The following MTMR4 variants were observed in gnomAD, a reference collection of about 807,000 sequenced individuals.
The protein encoded by MTMR4 is phosphatidylinositol-3,5-bisphosphate 3-phosphatase MTMR4.
A neutral mutation model predicts 125.5 loss-of-function variants in MTMR4; 30 were observed. The ratio of observed to expected loss-of-function variants is 0.24; its 90% CI spans 0.18 to 0.32. The LOEUF (loss-of-function observed/expected upper bound fraction) is 0.32, where lower values mean the gene tolerates loss of function less well. Ranked by LOEUF, MTMR4 falls within the 10% of genes least tolerant of loss-of-function variation. The pLI is 1.00. For missense variants in MTMR4, 1,039 were observed against 1,511.5 expected (o/e 0.69, Z 5.18); for synonymous variants, 498 against 564.5 (o/e 0.88, Z 1.67).
intron 1 of MTMR4, chr17:58,513,922 T>C (rs1976008189): frequency 6.6e-6 from 1 of 152,136 alleles, no homozygotes; most frequent in Non-Finnish European, 1.5e-5. Flanking sequence ...AGGGATGGAA[T>C]GGTGGAAGAG....
chr17:58,503,410 G>T (rs1031630428), intron 14 of MTMR4, among the ~76,000 whole-genome samples: 1 of 152,202 alleles, frequency 6.6e-6, no homozygotes, highest in African/African-American at 2.4e-5. Flanking sequence ...CACTTTGGGA[G>T]GCCGAGGCAG....
chr17:58,503,273 AAC>A (rs758816980), intron 14 of MTMR4, among the ~76,000 whole-genome samples: 30 of 152,194 alleles, frequency 2.0e-4, no homozygotes, highest in Non-Finnish European at 3.8e-4. Flanking sequence ...GGACCTTGAA[AAC>A]ACACAGAGTG....
intron 10 of MTMR4, 30 bp from the exon 11 acceptor site, chr17:58,505,004 C>A (rs1483160249): frequency 6.4e-7 from 1 of 1,570,796 alleles, no homozygotes; most frequent in Admixed American, 1.8e-5. Context: ...AAGTCGGTCA[C>A]AAAGGGTGCT....
rs1316622267 is a variant in MTMR4 at position 58,500,847 on chromosome 17, A to G, written c.1853+2897T>C. 4.0e-5 allele frequency among the ~76,000 whole-genome samples: 6 copies of G among 151,198 alleles called. No individual in the cohort carries two copies. The East Asian group carries it at 7.8e-4, about 20-fold the overall frequency. On this transcript the variant is annotated intron_variant, in intron 14 of 17. Transcript: ENST00000682306. ...CTTGAAAGTAGAACCAATATCTTCTATTTCTTTGCTGTAGCCCACAAAACC... is the reference window on the plus strand; with the variant it reads ...CTTGAAAGTAGAACCAATATCTTCTGTTTCTTTGCTGTAGCCCACAAAACC...
At position 58,508,050 on chromosome 17, in the gene MTMR4, C is replaced by T. The variant is rs1975823907; in HGVS notation, c.707+111G>A. 2 of 723,296 alleles carry T rather than the reference C, an allele frequency of 2.8e-6. No homozygotes were observed. The highest frequency in any genetic ancestry group is 1.8e-5 in the African/African-American group (1 of 56,818). The allele number at this position is 723,296 out of a possible 1,614,324, so 44.8% of individuals were successfully genotyped here. A position where few individuals can be genotyped will look rare whatever the true frequency, so the allele number is the denominator to read the frequency against. On this transcript the variant is annotated intron_variant, in intron 7 of 17. Transcript: ENST00000682306. The surrounding 1 kb of genome is among the most constrained non-coding windows in gnomAD (Gnocchi z 4.8). ...TTTGTTTTAAAGTTATTTCATACTT[C>T]CCCATAGAGTGTCAATTCTCAGTCA...
upstream of MTMR4, among the ~76,000 whole-genome samples, chr17:58,516,299 A>G (rs1347391788): frequency 2.6e-5 from 4 of 152,236 alleles, no homozygotes; most frequent in Non-Finnish European, 5.9e-5. Context: ...GGCTGTTATG[A>G]AGGGTTAATA....
chr17:58,512,559 T>C lies in MTMR4; in HGVS notation c.136-53A>G, dbSNP rs929669497. 6.5e-6 allele frequency: 9 copies of C among 1,387,952 alleles called. No homozygotes were observed. The highest frequency in any genetic ancestry group is 1.4e-5 in the African/African-American group (1 of 70,318). 86.0% of individuals were successfully genotyped at this position (1,387,952 alleles called of 1,614,324 possible). A position where few individuals can be genotyped will look rare whatever the true frequency, so the allele number is the denominator to read the frequency against. On this transcript the variant is annotated intron_variant, in intron 2 of 17. Transcript: ENST00000682306. The surrounding 1 kb of genome is among the most constrained non-coding windows in gnomAD (Gnocchi z 4.1). ...CCAGAAGTGAGTGACCACCTTATCC[T>C]CTTCTACAGCCCCTGATCTGTGGGA...
At chr17:58,515,156 G>T, upstream of MTMR4, 2 of 608,514 alleles carry the variant, frequency 3.3e-6, no homozygotes, top group Non-Finnish European at 4.1e-6. Flanking sequence ...TCTCTCCCTT[G>T]TTTCACATTC....
At chr17:58,516,533 A>G (rs1567940568), upstream of MTMR4, 1 of 1,610,084 alleles carries the variant, frequency 6.2e-7, no homozygotes, top group Non-Finnish European at 8.5e-7. Context: ...AGAAAGACAC[A>G]TGGATTACAG....
chr17:58,505,333 T>C (rs1975749213), intron 10 of MTMR4, 139 bp downstream of exon 10: 1 of 683,112 alleles, frequency 1.5e-6, no homozygotes, highest in South Asian at 1.8e-5. Context: ...TTCTTGGAAC[T>C]AGCCCACGGC....
chr17:58,508,691 T>G lies in MTMR4; in HGVS notation c.486A>C (p.Leu162=), dbSNP rs773905239. Residue 162 remains leucine, a synonymous_variant, in exon 5 of 18, where the codon CTA becomes CTC. Transcript: ENST00000682306. The surrounding 1 kb of genome is among the most constrained non-coding windows in gnomAD (Gnocchi z 4.8). ...GLTEEDQHTH[L]CQPGEHIRCR... is the part of the protein sequence containing the mutation. ...ATAGACTGGCCTCACCTGGCTGACA[T>G]AGGTGAGTGTGCTGGTCCTCCTCGG... The G allele has an allele frequency of 1.2e-6, 2 of 1,613,958 alleles. No homozygotes were observed. The highest frequency in any genetic ancestry group is 3.3e-5 in the Admixed American group (2 of 60,002).
rs937908275 is a variant in MTMR4 at position 58,491,895 on chromosome 17, G to T, written c.3453-55C>A. The T allele has an allele frequency of 6.4e-6, 10 of 1,550,744 alleles. No individual in the cohort carries two copies. The Admixed American group carries it at 1.0e-4, about 16-fold the overall frequency. On this transcript the variant is annotated intron_variant, in intron 17 of 17. Coordinates refer to ENST00000682306, the MANE Select transcript of MTMR4 (RefSeq NM_001378067.1). ...TCAGAAATGCCAATATACTGGCCAG[G>T]CAGGGTGACTCACACCAGTAATCCC...
Position 58,495,997 on chromosome 17 carries a change from G to A in MTMR4, c.2187C>T (p.Ser729=). ...LNTAVPREMK[S]NTSDPEIKVL... is the part of the protein sequence containing the mutation. ...CTTTGATCTCAGGATCAGAGGTGTT[G>A]CTCTTCATTTCCCGAGGCACTGCGG... The change falls in exon 15 of 18, where the codon AGC becomes AGT. Residue 729 remains serine, a synonymous_variant. Coordinates refer to ENST00000682306, the MANE Select transcript of MTMR4 (RefSeq NM_001378067.1). The A allele has an allele frequency of 6.2e-7, 1 of 1,614,084 alleles. No homozygotes were observed.
chr17:58,507,023 T>C, intron 8 of MTMR4, 100 bp downstream of exon 8: 1 of 1,563,200 alleles, frequency 6.4e-7, no homozygotes, highest in Non-Finnish European at 8.8e-7. Flanking sequence ...GCACCCCGTG[T>C]GTTGTCATCT....
At chr17:58,499,683 G>C (rs913861817) in intron 14 of MTMR4, among the ~76,000 whole-genome samples, 2 of 150,450 alleles carry the variant, frequency 1.3e-5, no homozygotes, top group Non-Finnish European at 3.0e-5. Flanking sequence ...GTGCAGTGGC[G>C]CGATCTCTGC....
intron 16 of MTMR4, 36 bp from the exon 17 acceptor site, chr17:58,492,635 G>C (rs1350831213): frequency 8.2e-6 from 13 of 1,591,062 alleles, no homozygotes; most frequent in Non-Finnish European, 1.1e-5. Flanking sequence ...CCTGGTCCTT[G>C]TTGACAGACT....
chr17:58,494,106 G>C (rs1237358074), intron 15 of MTMR4, among the ~76,000 whole-genome samples: 1 of 151,772 alleles, frequency 6.6e-6, no homozygotes, highest in African/African-American at 2.4e-5. Flanking sequence ...TGAGGTCAGG[G>C]GATCGAGACC....
upstream of MTMR4, chr17:58,516,654 CCCATTAACATTA>C (rs1465641908): frequency 9.3e-5 from 146 of 1,576,310 alleles, no homozygotes; most frequent in Non-Finnish European, 1.2e-4. Flanking sequence ...AGTAAAGGAC[CCCATTAACATTA>C]CCATAGAATC....
chr17:58,509,873 G>A (rs2143920277), intron 4 of MTMR4, among the ~76,000 whole-genome samples: 1 of 152,304 alleles, frequency 6.6e-6, no homozygotes, highest in Non-Finnish European at 1.5e-5. Context: ...AGGCTCTAAA[G>A]TAGGTATCCT....
Sources: gnomAD v4.1 joint callset for allele counts (sites outside exome capture counted in the v4.1 genomes callset) on GRCh38, gnomAD v4.1.1 for gene constraint, Gnocchi (gnomAD v3.1) non-coding constraint, MANE v1.5 for transcripts, NCBI Gene and HGNC (gene_info 2026-07-23, HGNC 2026-07-21) for gene names.